NTAN1: variants seen among roughly 807,000 people sequenced by gnomAD.
NTAN1 encodes N-terminal asparagine amidase.
Under a neutral mutation model 41.9 loss-of-function variants are expected in NTAN1, and 32 were observed. The ratio of observed to expected loss-of-function variants is 0.76; its 90% confidence interval spans 0.58 to 1.03. The LOEUF (loss-of-function observed/expected upper bound fraction) is 1.03. NTAN1 is among the 50% of genes least tolerant of loss of function. The pLI is 0.00. For synonymous variants in NTAN1, 140 were observed against 139.5 expected (o/e 1.00, Z -0.03); for missense variants, 377 against 377.5 (o/e 1.00, Z 0.01).
At chr16:15,044,525 G>T in intron 4 of NTAN1, 118 bp from the exon 5 acceptor site, 2 of 717,430 alleles carry the variant, frequency 2.8e-6, no homozygotes, top group Non-Finnish European at 4.9e-6. Context: ...AGAGCTGCAG[G>T]TCATCTTCGT....
At chr16:15,053,308 T>C (rs1198606203) in intron 1 of NTAN1, among the ~76,000 whole-genome samples, 1 of 152,182 alleles carries the variant, frequency 6.6e-6, no homozygotes, top group Non-Finnish European at 1.5e-5. Flanking sequence ...AAAATGGGAA[T>C]AGCAGTAACT....
chr16:15,054,674 G>C (rs2044430220), intron 1 of NTAN1, among the ~76,000 whole-genome samples: 1 of 152,126 alleles, frequency 6.6e-6, no homozygotes, highest in South Asian at 2.1e-4. Context: ...TCACCCTTCA[G>C]AACACGTTCA....
intron 1 of NTAN1, among the ~76,000 whole-genome samples, chr16:15,052,754 G>T (rs1398151815): frequency 6.6e-6 from 1 of 152,156 alleles, no homozygotes; most frequent in Non-Finnish European, 1.5e-5. Context: ...GAACCTGGGA[G>T]GCAGAGGTTG....
In NTAN1 at chr16:15,044,314, GAA is replaced by G; in HGVS notation, c.433+18_433+19del. On this transcript the variant is annotated intron_variant, in intron 5 of 9. Transcript: ENST00000287706. ...ATATTTATGTCCAATTTGGGGGAAAGAAAAAAAAAATGAACTTACTAAGAAGT... is the reference window on the plus strand; with the variant it reads ...ATATTTATGTCCAATTTGGGGGAAAGAAAAAAAATGAACTTACTAAGAAGT... The G allele has an allele frequency of 2.8e-6, 4 of 1,434,718 alleles. No individual in the cohort carries two copies. Among genetic ancestry groups the G allele is most frequent in the South Asian group, 1.2e-5 (1 of 81,980 alleles). The allele number at this position is 1,434,718 out of a possible 1,614,324, so 88.9% of individuals were successfully genotyped here.
chr16:15,040,087 ACT>A (rs369375951), intron 7 of NTAN1, 21 bp from the exon 8 acceptor site: 13,981 of 1,386,662 alleles, frequency 0.01, 100 homozygotes, highest in Middle Eastern at 0.012. Flanking sequence ...CAACAGGATG[ACT>A]CTGAATTGAC....
At chr16:15,044,147 TC>T (rs2043948026) in intron 5 of NTAN1, among the ~76,000 whole-genome samples, 186 bp downstream of exon 5, 1 of 152,074 alleles carries the variant, frequency 6.6e-6, no homozygotes, top group African/African-American at 2.4e-5. Context: ...CTGCTACCCC[TC>T]CCTACACATG....
chr16:15,055,733 TC>T (rs2044483838), intron 1 of NTAN1, 157 bp downstream of exon 1: 1 of 394,284 alleles, frequency 2.5e-6, no homozygotes, highest in Non-Finnish European at 4.4e-6. Context: ...AGGCAAAAAC[TC>T]CCCGACCCCT....
At chr16:15,041,458 G>A (rs899985361) in intron 6 of NTAN1, among the ~76,000 whole-genome samples, 165 bp downstream of exon 6, 3 of 152,126 alleles carry the variant, frequency 2.0e-5, no homozygotes, top group South Asian at 2.1e-4. Context: ...GATGGTGGAC[G>A]AGGGCAAGGG....
intron 1 of NTAN1, 194 bp downstream of exon 1, chr16:15,055,697 C>T: frequency 2.7e-6 from 1 of 373,186 alleles, no homozygotes; most frequent in Non-Finnish European, 4.8e-6. Context: ...GAGTGGCCTC[C>T]GGGGCAGCCC....
Position 15,055,996 on chromosome 16 carries a change from C to G in NTAN1, c.-25G>C. 1 of 1,186,674 alleles carries G rather than the reference C, an allele frequency of 8.4e-7. No individual in the cohort carries two copies. Among genetic ancestry groups the G allele is most frequent in the Non-Finnish European group, 1.0e-6 (1 of 954,178 alleles). 73.5% of individuals were successfully genotyped at this position (1,186,674 alleles called of 1,614,324 possible). ...TCGCGGAGGCGGCCGCCCAGGCAGG[C>G]CCAGGGAGGCGGCGGCCCCCCGCTT... is the stretch of plus-strand genomic sequence containing the variant. On this transcript the variant is annotated 5_prime_UTR_variant, in exon 1 of 10. Transcript: ENST00000287706.
chr16:15,048,958 T>A (rs1285338706), intron 1 of NTAN1, among the ~76,000 whole-genome samples: 4 of 147,522 alleles, frequency 2.7e-5, no homozygotes, highest in Non-Finnish European at 5.9e-5. Context: ...GAGGCCTCCC[T>A]ATGCTGCCCA....
intron 1 of NTAN1, among the ~76,000 whole-genome samples, chr16:15,053,373 G>C (rs2044370145): frequency 6.6e-6 from 1 of 152,170 alleles, no homozygotes; most frequent in Non-Finnish European, 1.5e-5. Flanking sequence ...TTATTTGCTA[G>C]TCATAGCTAC....
At chr16:15,044,552 G>C (rs779944397) in intron 4 of NTAN1, 145 bp from the exon 5 acceptor site, 23 of 654,190 alleles carry the variant, frequency 3.5e-5, no homozygotes, top group Non-Finnish European at 6.0e-5. Context: ...GCAAAAGAAA[G>C]TATCGGCAGC....
At chr16:15,044,117 A>T (rs1367826967) in intron 5 of NTAN1, among the ~76,000 whole-genome samples, 1 of 152,126 alleles carries the variant, frequency 6.6e-6, no homozygotes, top group Non-Finnish European at 1.5e-5. Context: ...CTGTTTTAGT[A>T]GAAAATCTTG....
At position 15,038,673 on chromosome 16, in the gene NTAN1, A is replaced by G. The variant is rs752716453; in HGVS notation, c.654T>C (p.Tyr218=). Residue 218 remains tyrosine (Y), a synonymous_variant, in exon 9 of 10, where the codon TAT becomes TAC. Transcript: ENST00000287706. ...TLAGGPMISI[Y]DAETEQLRIG... ...TACGAAGTTGTTCTGTCTCTGCATC[A>G]TAAATGCTAATCATCTAAAAAAGAA... 4.5e-6 allele frequency: 7 copies of G among 1,567,256 alleles called. No individual in the cohort carries two copies. Among genetic ancestry groups the G allele is most frequent in the South Asian group, 3.4e-5 (3 of 88,542 alleles).
At chr16:15,047,289 C>G in intron 4 of NTAN1, 153 bp downstream of exon 4, 1 of 628,138 alleles carries the variant, frequency 1.6e-6, no homozygotes, top group Non-Finnish European at 2.9e-6. Flanking sequence ...ACTGCTGACG[C>G]AGTGCCCACG....
Position 15,040,061 on chromosome 16 carries a change from T to C in NTAN1, c.547A>G (p.Asn183Asp). Residue 183 changes from asparagine to aspartate, a missense_variant, in exon 8 of 10, where the codon AAC becomes GAC. Physicochemically the swap from Asn to Asp is conservative, Grantham distance 23. Coordinates refer to ENST00000287706, the MANE Select transcript of NTAN1 (RefSeq NM_173474.4). ...HFPVIYGIAV[N>D]IKTAEIYRAS... ...CTGTAAATCTCTGCAGTCTTAATGT[T>C]GACAGCTGTGAGGGACAACAGGATG... 1 of 1,587,494 alleles carries C rather than the reference T, an allele frequency of 6.3e-7. No individual in the cohort carries two copies. The highest frequency in any genetic ancestry group is 1.7e-5 in the Admixed American group (1 of 59,492).
chr16:15,047,911 G>A lies in NTAN1; in HGVS notation c.194C>T (p.Ser65Phe), dbSNP rs2044140609. 3.1e-6 allele frequency: 5 copies of A among 1,613,296 alleles called. No individual in the cohort carries two copies. Among genetic ancestry groups the A allele is most frequent in the Non-Finnish European group, 3.4e-6 (4 of 1,179,246 alleles). Reference sequence around the variant, plus strand: ...AGTGGCATCATCAGAACCCAGAATGGAGATGGAGCCTGTTTAAAAAAGAAA... The same window carrying A: ...AGTGGCATCATCAGAACCCAGAATGAAGATGGAGCCTGTTTAAAAAAGAAA... ...AVTSPKDGSI[S>F]ILGSDDATTC... The change falls in exon 3 of 10, where the codon TCC (serine) becomes TTC (phenylalanine). Residue 65 changes from serine to phenylalanine, a missense_variant. Physicochemically the swap from Ser to Phe is radical, Grantham distance 155. Coordinates refer to ENST00000287706, the MANE Select transcript of NTAN1 (RefSeq NM_173474.4).
intron 4 of NTAN1, 188 bp from the exon 5 acceptor site, chr16:15,044,595 A>G: frequency 1.7e-6 from 1 of 596,938 alleles, no homozygotes; most frequent in Non-Finnish European, 3.0e-6. Flanking sequence ...GCTTCTGGGG[A>G]CCCTGCCCAG....
Sources: allele counts gnomAD v4.1 joint callset (sites outside exome capture counted in the v4.1 genomes callset), GRCh38; gene constraint gnomAD v4.1.1; transcripts MANE v1.5; gene names NCBI Gene and HGNC (gene_info 2026-07-23, HGNC 2026-07-21).